The following DQX1 variants were observed in gnomAD, a reference collection of about 807,000 sequenced individuals.
DQX1 encodes ATP-dependent RNA helicase homolog DQX1.
Under a neutral mutation model 81.3 loss-of-function variants are expected in DQX1, and 66 were observed. The ratio of observed to expected loss-of-function variants is 0.81; its 90% CI spans 0.67 to 1.00. The LOEUF (loss-of-function observed/expected upper bound fraction) is 1.00. Ranked by LOEUF, DQX1 falls within the 50% of genes least tolerant of loss-of-function variation. The probability of loss-of-function intolerance (pLI) is 0.00; values close to 1 mark genes in which losing one functional copy is unlikely to be tolerated. For missense variants in DQX1, 798 were observed against 867.9 expected (o/e 0.92, Z 1.01); for synonymous variants, 290 against 350.0 (o/e 0.83, Z 1.91).
In DQX1 at chr2:74,522,716, A is replaced by C. The variant is rs1187427904; in HGVS notation, c.1359T>G (p.Asp453Glu). 1 of 1,614,228 alleles carries C rather than the reference A, an allele frequency of 6.2e-7. No individual in the cohort carries two copies. Among genetic ancestry groups the C allele is most frequent in the East Asian group, 2.2e-5 (1 of 44,886 alleles). ...LEDLDYLAAL[D>E]DDGDLSDLGV... ...CCAGATCTGACAGGTCCCCATCATC[A>C]TCCAGGGCTGCCAGATAGTCTAAAT... Residue 453 changes from aspartate to glutamate, a missense_variant, in exon 8 of 12, where the codon GAT (aspartate) becomes GAG (glutamate). Physicochemically the swap from Asp to Glu is conservative, Grantham distance 45. Transcript: ENST00000404568.
chr2:74,523,210 A>G lies in DQX1; in HGVS notation c.1053T>C (p.Asn351=). 6.2e-7 allele frequency: 1 copy of G among 1,614,136 alleles called. No individual in the cohort carries two copies. The highest frequency in any genetic ancestry group is 1.3e-5 in the African/African-American group (1 of 75,000). Reference sequence around the variant, plus strand: ...CTTGGAATTCTGCTCGGATCCTAGGATTGTAAACCTGTTGCCCGTCCCCCA... The same window carrying G: ...CTTGGAATTCTGCTCGGATCCTAGGGTTGTAAACCTGTTGCCCGTCCCCCA... The part of the protein sequence containing the change: ...DSGLELRSVY[N]PRIRAEFQVL... Residue 351 remains asparagine, a synonymous_variant, in exon 6 of 12, where the codon AAT becomes AAC. Coordinates refer to ENST00000404568, the MANE Select transcript of DQX1 (RefSeq NM_133637.3).
chr2:74,524,468 C>T (rs778384798), intron 3 of DQX1, among the ~76,000 whole-genome samples, 161 bp from the exon 4 acceptor site: 5 of 152,210 alleles, frequency 3.3e-5, no homozygotes, highest in Admixed American at 6.5e-5. Flanking sequence ...CACCCCACAA[C>T]CCCGCTGAGA....
chr2:74,525,933 C>A lies in DQX1; in HGVS notation c.-19-185G>T, dbSNP rs1675169323. Reference sequence around the variant, plus strand: ...GGGCTACTGAGAGTTAGTCGACAGTCCCTATAGTCAGGTAGTAGAAATCTA... The same window carrying A: ...GGGCTACTGAGAGTTAGTCGACAGTACCTATAGTCAGGTAGTAGAAATCTA... On this transcript the variant is annotated intron_variant, in intron 1 of 11. Transcript: ENST00000404568. The surrounding 1 kb of genome is among the most constrained non-coding windows in gnomAD (Gnocchi z 4.1). Among the ~76,000 whole-genome samples the A allele has an allele frequency of 6.6e-6, 1 of 152,222 alleles. No individual in the cohort carries two copies. Among genetic ancestry groups the A allele is most frequent in the Non-Finnish European group, 1.5e-5 (1 of 68,046 alleles).
At position 74,523,533 on chromosome 2, in the gene DQX1, A is replaced by G; in HGVS notation, c.821T>C (p.Ile274Thr). Residue 274 changes from isoleucine to threonine, a missense_variant, in exon 5 of 12, where the codon ATT (isoleucine) becomes ACT (threonine). Ile to Thr is a moderately conservative substitution (Grantham distance 89). Transcript: ENST00000404568. ...GGACAAGGATTCACAGCACAGGGAA[A>G]TTTCCTGAGAAGAAGGGTGGGTGGG... The part of the protein sequence containing the change: ...VLVFLPSEEE[I>T]SLCCESLSRE... 6.7e-7 allele frequency: 1 copy of G among 1,481,668 alleles called. No individual in the cohort carries two copies. Among genetic ancestry groups the G allele is most frequent in the Non-Finnish European group, 9.2e-7 (1 of 1,084,976 alleles). The allele number at this position is 1,481,668 out of a possible 1,614,324, so 91.8% of individuals were successfully genotyped here.
At chr2:74,523,740 T>C in intron 4 of DQX1, 183 bp downstream of exon 4, 1 of 1,060,878 alleles carries the variant, frequency 9.4e-7, no homozygotes, top group Non-Finnish European at 1.3e-6. Context: ...GTGGTAAACC[T>C]CTTTACCCTG....
Position 74,525,801 on chromosome 2 carries a change from TC to T in DQX1, c.-19-54del. ...TCATATTTGGTGACCGACACCATCT[TC>T]CCACCTCAGCCCTGATCCTTAACCT... On this transcript the variant is annotated intron_variant, in intron 1 of 11. Coordinates refer to ENST00000404568, the MANE Select transcript of DQX1 (RefSeq NM_133637.3). This position sits in a 1 kb window ranked among gnomAD's most constrained non-coding sequence, Gnocchi z 4.1. The T allele has an allele frequency of 7.7e-7, 1 of 1,301,938 alleles. No individual in the cohort carries two copies. Among genetic ancestry groups the T allele is most frequent in the Non-Finnish European group, 1.1e-6 (1 of 938,222 alleles). The allele number at this position is 1,301,938 out of a possible 1,614,324, so 80.6% of individuals were successfully genotyped here. A position where few individuals can be genotyped will look rare whatever the true frequency, so the allele number is the denominator to read the frequency against.
intron 8 of DQX1, among the ~76,000 whole-genome samples, chr2:74,521,142 A>G (rs1238566586): frequency 6.6e-6 from 1 of 152,172 alleles, no homozygotes; most frequent in Non-Finnish European, 1.5e-5. Context: ...GAATATATTT[A>G]TATATATATT....
At position 74,525,352 on chromosome 2, in the gene DQX1, T is replaced by C. The variant is rs551494607; in HGVS notation, c.237+141A>G. The C allele has an allele frequency of 3.5e-5, 43 of 1,238,346 alleles. No individual in the cohort carries two copies. The African/African-American group carries it at 5.8e-4, about 17-fold the overall frequency. The allele number at this position is 1,238,346 out of a possible 1,614,324, so 76.7% of individuals were successfully genotyped here. On this transcript the variant is annotated intron_variant, in intron 2 of 11. Transcript: ENST00000404568. The surrounding 1 kb of genome is among the most constrained non-coding windows in gnomAD (Gnocchi z 4.1). ...TCCAGGGCCAACCTAACCCATCCCA[T>C]CTCTCTTCGTTCACCTTCCTCATGA... is the stretch of plus-strand genomic sequence containing the variant.
rs1449994468 is a variant in DQX1 at position 74,524,163 on chromosome 2, T to C, written c.576A>G (p.Glu192=). 1.9e-6 allele frequency: 3 copies of C among 1,614,170 alleles called. No individual in the cohort carries two copies. The highest frequency in any genetic ancestry group is 2.5e-6 in the Non-Finnish European group (3 of 1,180,026). The part of the protein sequence containing the change: ...LQGLLQDARL[E]KLPGDLRVVV... ...CCACTCTGAGGTCCCCCGGAAGTTTTTCCAGCCTGGCATCTTGCAGTAGCC... is the reference window on the plus strand; with the variant it reads ...CCACTCTGAGGTCCCCCGGAAGTTTCTCCAGCCTGGCATCTTGCAGTAGCC... The change falls in exon 4 of 12, where the codon GAA becomes GAG. Residue 192 remains glutamate (E), a synonymous_variant. Coordinates refer to ENST00000404568, the MANE Select transcript of DQX1 (RefSeq NM_133637.3).
chr2:74,519,883 T>C, intron 9 of DQX1, 32 bp downstream of exon 9: 1 of 1,604,558 alleles, frequency 6.2e-7, no homozygotes, highest in Non-Finnish European at 8.5e-7. Flanking sequence ...CTTTGGAAAA[T>C]CTGGGATTCT....
In DQX1 at chr2:74,525,393, T is replaced by TC; in HGVS notation, c.237+99dup. On this transcript the variant is annotated intron_variant, in intron 2 of 11. Transcript: ENST00000404568. This position sits in a 1 kb window ranked among gnomAD's most constrained non-coding sequence, Gnocchi z 4.1. ...TTCCTCATGACCCCACGCAGCCCAGTCCCCCCTTGCCCAGGGAAAGGCCAC... is the reference window on the plus strand; with the variant it reads ...TTCCTCATGACCCCACGCAGCCCAGTCCCCCCCTTGCCCAGGGAAAGGCCAC... The TC allele has an allele frequency of 7.5e-7, 1 of 1,342,080 alleles. No homozygotes were observed. Among genetic ancestry groups the TC allele is most frequent in the Non-Finnish European group, 1.0e-6 (1 of 980,458 alleles). The allele number at this position is 1,342,080 out of a possible 1,614,324, so 83.1% of individuals were successfully genotyped here.
chr2:74,525,428 G>A lies in DQX1; in HGVS notation c.237+65C>T. ...CCCAGGGAAAGGCCACTTTCCCTTT[G>A]TCCTCCCTTTGTCCTCCCTTTGTCC... On this transcript the variant is annotated intron_variant, in intron 2 of 11. Transcript: ENST00000404568. The surrounding 1 kb of genome is among the most constrained non-coding windows in gnomAD (Gnocchi z 4.1). 2 of 1,487,980 alleles carry A rather than the reference G, an allele frequency of 1.3e-6. No homozygotes were observed. Among genetic ancestry groups the A allele is most frequent in the South Asian group, 1.3e-5 (1 of 79,686 alleles). The allele number at this position is 1,487,980 out of a possible 1,614,324, so 92.2% of individuals were successfully genotyped here.
intron 10 of DQX1, 109 bp downstream of exon 10, chr2:74,519,447 G>T: frequency 1.4e-6 from 2 of 1,453,610 alleles, no homozygotes; most frequent in Non-Finnish European, 1.9e-6. Context: ...TGGTTCTAAA[G>T]AATCTTTTGA....
chr2:74,525,390 C>A lies in DQX1; in HGVS notation c.237+103G>T. ...ACCTTCCTCATGACCCCACGCAGCC[C>A]AGTCCCCCCTTGCCCAGGGAAAGGC... On this transcript the variant is annotated intron_variant, in intron 2 of 11. Coordinates refer to ENST00000404568, the MANE Select transcript of DQX1 (RefSeq NM_133637.3). This position sits in a 1 kb window ranked among gnomAD's most constrained non-coding sequence, Gnocchi z 4.1. 7.5e-7 allele frequency: 1 copy of A among 1,339,500 alleles called. No individual in the cohort carries two copies. Among genetic ancestry groups the A allele is most frequent in the Non-Finnish European group, 1.0e-6 (1 of 978,758 alleles). The allele number at this position is 1,339,500 out of a possible 1,614,324, so 83.0% of individuals were successfully genotyped here.
chr2:74,525,408 G>C lies in DQX1; in HGVS notation c.237+85C>G. On this transcript the variant is annotated intron_variant, in intron 2 of 11. Coordinates refer to ENST00000404568, the MANE Select transcript of DQX1 (RefSeq NM_133637.3). The surrounding 1 kb of genome is among the most constrained non-coding windows in gnomAD (Gnocchi z 4.1). ...CGCAGCCCAGTCCCCCCTTGCCCAG[G>C]GAAAGGCCACTTTCCCTTTGTCCTC... The C allele has an allele frequency of 7.0e-7, 1 of 1,435,372 alleles. No individual in the cohort carries two copies. The highest frequency in any genetic ancestry group is 9.4e-7 in the Non-Finnish European group (1 of 1,059,174). 88.9% of individuals were successfully genotyped at this position (1,435,372 alleles called of 1,614,324 possible). A position where few individuals can be genotyped will look rare whatever the true frequency, so the allele number is the denominator to read the frequency against.
Position 74,518,444 on chromosome 2 carries a change from G to C in DQX1, c.*2C>G. 1 of 1,613,936 alleles carries C rather than the reference G, an allele frequency of 6.2e-7. No individual in the cohort carries two copies. The highest frequency in any genetic ancestry group is 8.5e-7 in the Non-Finnish European group (1 of 1,179,898). Reference sequence around the variant, plus strand: ...CCCAGCTCCATTCCATAGGCAGGCAGGTCACTGCAGGACACAGGGATCTCT... The same window carrying C: ...CCCAGCTCCATTCCATAGGCAGGCACGTCACTGCAGGACACAGGGATCTCT... On this transcript the variant is annotated 3_prime_UTR_variant, in exon 12 of 12. Transcript: ENST00000404568.
At chr2:74,523,798 A>G (rs1675102009) in intron 4 of DQX1, 125 bp downstream of exon 4, 1 of 1,359,430 alleles carries the variant, frequency 7.4e-7, no homozygotes, top group African/African-American at 1.5e-5. Flanking sequence ...TAAATACTGC[A>G]ACTCTACTGT....
chr2:74,521,704 GCTCT>G (rs1263206038), intron 8 of DQX1, among the ~76,000 whole-genome samples: 1 of 148,248 alleles, frequency 6.7e-6, no homozygotes, highest in African/African-American at 2.5e-5. Flanking sequence ...GTTGGAGTAT[GCTCT>G]CTCTCTCTCC....
intron 9 of DQX1, 74 bp downstream of exon 9, chr2:74,519,841 G>C: frequency 6.2e-7 from 1 of 1,602,406 alleles, no homozygotes; most frequent in Non-Finnish European, 8.5e-7. Context: ...TGAGCATAGA[G>C]ATCTGTCAGC....
Sources: gnomAD v4.1 joint callset for allele counts (sites outside exome capture counted in the v4.1 genomes callset) on GRCh38, gnomAD v4.1.1 for gene constraint, Gnocchi (gnomAD v3.1) non-coding constraint, MANE v1.5 for transcripts, NCBI Gene and HGNC (gene_info 2026-07-23, HGNC 2026-07-21) for gene names.